SENP6: variants seen among roughly 807,000 people sequenced by gnomAD.
The protein encoded by SENP6 is sentrin-specific protease 6.
In SENP6, 41 loss-of-function variants were observed where a neutral mutation model predicts 134.5. The ratio of observed to expected loss-of-function variants is 0.30; its 90% CI spans 0.24 to 0.40. The LOEUF (loss-of-function observed/expected upper bound fraction) is 0.40. SENP6 is among the 10% of genes least tolerant of loss of function. The pLI is 1.00. For missense variants in SENP6, 1,248 were observed against 1,312.5 expected, an observed-to-expected ratio of 0.95 and a Z score of 0.76; for synonymous variants, 395 against 429.8, an observed-to-expected ratio of 0.92 and a Z score of 1.00.
chr6:75,660,635 CT>C (rs796805767), intron 8 of SENP6, among the ~76,000 whole-genome samples: 66 of 146,744 alleles, frequency 4.5e-4, no homozygotes, highest in Admixed American at 4.8e-4. Context: ...TCTTGTATTT[CT>C]TTTTTTTTTT....
At chr6:75,711,476 A>G in intron 21 of SENP6, 60 bp downstream of exon 21, 1 of 1,093,052 alleles carries the variant, frequency 9.1e-7, no homozygotes, top group Non-Finnish European at 1.3e-6. Context: ...CATAAAACAT[A>G]ACAGGACAGT....
chr6:75,685,933 C>T (rs1383726185), intron 16 of SENP6, among the ~76,000 whole-genome samples: 1 of 152,138 alleles, frequency 6.6e-6, no homozygotes, highest in East Asian at 1.9e-4. Context: ...GAGCTGAGTT[C>T]AATTCCTGGG....
In SENP6 at chr6:75,639,967, T is replaced by C. The variant is rs149619423; in HGVS notation, c.459-717T>C. 1.9e-3 allele frequency among the ~76,000 whole-genome samples: 296 copies of C among 152,330 alleles called. 2 individuals are homozygous for C. The highest frequency in any genetic ancestry group is 6.6e-3 in the African/African-American group (273 of 41,570). ...TGTAACAACAGTAGTCTCCTCCTTA[T>C]TTGTGGTTTGATTTAACCATTCCCT... On this transcript the variant is annotated intron_variant, in intron 5 of 23. Coordinates refer to ENST00000447266, the MANE Select transcript of SENP6 (RefSeq NM_015571.4).
chr6:75,671,459 C>T (rs1772670349), intron 11 of SENP6, among the ~76,000 whole-genome samples: 2 of 152,202 alleles, frequency 1.3e-5, no homozygotes, highest in South Asian at 4.1e-4. Context: ...CGCGGTGTCT[C>T]ACGCCTGTAA....
At chr6:75,686,633 T>C (rs915916281) in intron 16 of SENP6, among the ~76,000 whole-genome samples, 7 of 152,230 alleles carry the variant, frequency 4.6e-5, no homozygotes, top group Non-Finnish European at 1.0e-4. Context: ...CTGTAAAGTA[T>C]TTTATTTCTC....
At chr6:75,613,563 A>T (rs1009568073) in intron 1 of SENP6, among the ~76,000 whole-genome samples, 6 of 152,196 alleles carry the variant, frequency 3.9e-5, no homozygotes, top group Non-Finnish European at 5.9e-5. Context: ...AAAAAGGTGG[A>T]TATAACCTAA....
At chr6:75,633,171 A>G (rs2149837516) in intron 3 of SENP6, among the ~76,000 whole-genome samples, 2 of 152,298 alleles carry the variant, frequency 1.3e-5, no homozygotes, top group Middle Eastern at 6.8e-3. Context: ...TTTGATACTA[A>G]GGCAAAAGTT....
At chr6:75,668,746 C>T (rs1355865821) in intron 10 of SENP6, among the ~76,000 whole-genome samples, 1 of 152,184 alleles carries the variant, frequency 6.6e-6, no homozygotes, top group East Asian at 1.9e-4. Flanking sequence ...TTGGAAAGAA[C>T]TTAGATGTCC....
chr6:75,643,624 A>C (rs968811490), intron 6 of SENP6, among the ~76,000 whole-genome samples: 4 of 152,336 alleles, frequency 2.6e-5, no homozygotes, highest in Admixed American at 6.5e-5. Context: ...CGGGAGGTTG[A>C]GACATGAGAA....
chr6:75,616,345 T>C (rs184373736), intron 1 of SENP6, among the ~76,000 whole-genome samples: 317 of 152,294 alleles, frequency 2.1e-3, no homozygotes, highest in African/African-American at 7.1e-3. Context: ...CCCCCAAACT[T>C]TTAAAAATCT....
chr6:75,669,757 A>T (rs1772522868), intron 10 of SENP6, among the ~76,000 whole-genome samples: 1 of 152,200 alleles, frequency 6.6e-6, no homozygotes, highest in South Asian at 2.1e-4. Context: ...TGCTTTCTAA[A>T]GAATTACTGA....
At position 75,712,421 on chromosome 6, in the gene SENP6, T is replaced by C. The variant is rs1775801157; in HGVS notation, c.2909+1005T>C. On this transcript the variant is annotated intron_variant, in intron 21 of 23. Transcript: ENST00000447266. The stretch of plus-strand genomic sequence containing the variant: ...CTTCCAGACACAGTGGGTCACACTT[T>C]GTGCTAGCACTTCTGAAGACCAAAG... Among the ~76,000 whole-genome samples, 3 of 152,122 alleles carry C rather than the reference T, an allele frequency of 2.0e-5. No homozygotes were observed. In the South Asian group the frequency reaches 6.2e-4, roughly 31 times the overall value.
At chr6:75,611,160 C>A (rs1180022700) in intron 1 of SENP6, 1 of 152,190 alleles carries the variant, frequency 6.6e-6, no homozygotes, top group Non-Finnish European at 1.5e-5. Flanking sequence ...ACTACCATGA[C>A]CCCTGCTGAC....
chr6:75,682,724 A>G (rs1773550814), intron 16 of SENP6, among the ~76,000 whole-genome samples: 1 of 152,180 alleles, frequency 6.6e-6, no homozygotes, highest in African/African-American at 2.4e-5. Context: ...GTCCCTGCAA[A>G]GGACATGAAC....
chr6:75,625,825 C>T (rs571034802), intron 3 of SENP6, among the ~76,000 whole-genome samples: 32 of 152,218 alleles, frequency 2.1e-4, no homozygotes, highest in African/African-American at 6.5e-4. Flanking sequence ...GCTGAGATTG[C>T]GCCACTGCAC....
chr6:75,629,512 C>G (rs1582707904), intron 3 of SENP6, among the ~76,000 whole-genome samples: 1 of 152,206 alleles, frequency 6.6e-6, no homozygotes, highest in Non-Finnish European at 1.5e-5. Flanking sequence ...GGTGGCCAGG[C>G]TGGTCTCGAA....
intron 16 of SENP6, 49 bp downstream of exon 16, chr6:75,678,976 A>G (rs1388788637): frequency 3.3e-6 from 3 of 900,256 alleles, no homozygotes; most frequent in Non-Finnish European, 5.3e-6. Flanking sequence ...ACATTCCGTC[A>G]TATCTTATGT....
At chr6:75,709,384 TGTTTGTGATATTAC>T in intron 19 of SENP6, 129 bp from the exon 20 acceptor site, 1 of 526,766 alleles carries the variant, frequency 1.9e-6, no homozygotes. Context: ...ACTTACTTTA[TGTTTGTGATATTAC>T]ACACTAAGGC....
intron 1 of SENP6, among the ~76,000 whole-genome samples, chr6:75,620,267 A>C (rs116467905): frequency 7.3e-4 from 111 of 152,126 alleles, no homozygotes; most frequent in African/African-American, 2.5e-3. Context: ...TACAAACCCT[A>C]GTTAATTGTC....
Sources: gnomAD v4.1 joint callset for allele counts (sites outside exome capture counted in the v4.1 genomes callset) on GRCh38, gnomAD v4.1.1 for gene constraint, MANE v1.5 for transcripts, NCBI Gene and HGNC (gene_info 2026-07-23, HGNC 2026-07-21) for gene names.